VSIG4: variants seen among roughly 807,000 people sequenced by gnomAD.
The protein encoded by VSIG4 is V-set and immunoglobulin domain containing 4.
In VSIG4, 34 loss-of-function variants were observed where a neutral mutation model predicts 23.4. The ratio of observed to expected loss-of-function variants is 1.45; its 90% confidence interval spans 1.10 to 1.93. The LOEUF is 1.93. VSIG4 is among the 30% of genes most tolerant of loss of function. The pLI is 0.00. For synonymous variants in VSIG4, 169 were observed against 120.3 expected (o/e 1.41, Z -2.65); for missense variants, 433 against 310.8 (o/e 1.39, Z -2.96).
chrX:66,039,291 A>G (rs1441132448), intron 1 of VSIG4, among the ~76,000 whole-genome samples: 1 of 111,985 alleles, frequency 8.9e-6, no homozygotes, highest in African/African-American at 3.2e-5. Flanking sequence ...GCAAGGAAGC[A>G]TCTATGTTCT....
chrX:66,023,421 A>G lies in VSIG4; in HGVS notation c.941-559T>C, dbSNP rs140962963. Among the ~76,000 whole-genome samples, 899 of 112,087 alleles carry G rather than the reference A, an allele frequency of 8.0e-3. 16 individuals are homozygous for G. The highest frequency in any genetic ancestry group is 0.027 in the African/African-American group (840 of 30,823). ...CTCAAAGGCTTAGGTTGGTGCAAAG[A>G]CAGATATTTCTTTGTACTGCCCTCT... On this transcript the variant is annotated intron_variant, in intron 6 of 7. Coordinates refer to ENST00000374737, the MANE Select transcript of VSIG4 (RefSeq NM_007268.3).
chrX:66,024,594 C>T (rs989942626), intron 6 of VSIG4, among the ~76,000 whole-genome samples: 2 of 111,886 alleles, frequency 1.8e-5, no homozygotes, highest in Non-Finnish European at 3.8e-5. Context: ...ATTACCCAAG[C>T]CTTAAATTAC....
At chrX:66,023,362 CT>C (rs1429855606) in intron 6 of VSIG4, among the ~76,000 whole-genome samples, 13 of 111,957 alleles carry the variant, frequency 1.2e-4, no homozygotes, top group African/African-American at 4.2e-4. Flanking sequence ...CCCCTAGTGT[CT>C]GTGGAGGAGG....
At chrX:66,023,569 G>A (rs1484457393) in intron 6 of VSIG4, among the ~76,000 whole-genome samples, 4 of 112,519 alleles carry the variant, frequency 3.6e-5, no homozygotes, top group Non-Finnish European at 7.5e-5. Flanking sequence ...TGTCTTACTC[G>A]CCCATTGGCC....
At chrX:66,036,968 T>G (rs1602111706) in intron 1 of VSIG4, among the ~76,000 whole-genome samples, 1 of 34,684 alleles carries the variant, frequency 2.9e-5, no homozygotes, top group African/African-American at 2.1e-4. Context: ...TATTATATAA[T>G]ATATAATATA....
intron 1 of VSIG4, among the ~76,000 whole-genome samples, chrX:66,036,649 AATATAAT>A (rs1447883831): frequency 9.7e-5 from 7 of 72,527 alleles, no homozygotes; most frequent in African/African-American, 2.2e-4. Context: ...ATATTTTAAT[AATATAAT>A]ATATAATATA....
At chrX:66,029,389 A>G (rs967975505) in intron 3 of VSIG4, among the ~76,000 whole-genome samples, 13 of 111,335 alleles carry the variant, frequency 1.2e-4, no homozygotes, top group African/African-American at 4.3e-4. Flanking sequence ...CCATTCATTA[A>G]CAAATACAGT....
At position 66,033,613 on chromosome X, in the gene VSIG4, C is replaced by G; in HGVS notation, c.273G>C (p.Lys91Asn). The change falls in exon 2 of 8, where the codon AAG (lysine) becomes AAC (asparagine). Residue 91 changes from lysine (K) to asparagine (N), a missense_variant. Lys to Asn is a moderately conservative substitution (Grantham distance 94). Coordinates refer to ENST00000374737, the MANE Select transcript of VSIG4 (RefSeq NM_007268.3). ...KYQGRLHVSH[K>N]VPGDVSLQLS... ...ATTGGAGGGATACATCTCCTGGAAC[C>G]TTGTGGCTCACATGCAGGCGGCCCT... The G allele has an allele frequency of 8.3e-7, 1 of 1,211,628 alleles. No individual in the cohort carries two copies. The highest frequency in any genetic ancestry group is 1.1e-6 in the Non-Finnish European group (1 of 895,463).
chrX:66,028,326 G>T (rs184223826), intron 3 of VSIG4, among the ~76,000 whole-genome samples: 4 of 111,250 alleles, frequency 3.6e-5, no homozygotes, highest in Non-Finnish European at 7.5e-5. Context: ...AATAGATCTC[G>T]AAGGAACCTG....
At chrX:66,039,347 AG>A (rs1486715213) in intron 1 of VSIG4, among the ~76,000 whole-genome samples, 1 of 111,822 alleles carries the variant, frequency 8.9e-6, no homozygotes, top group African/African-American at 3.3e-5. Context: ...TGGAAGTCAG[AG>A]GGAACTGGAT....
In VSIG4 at chrX:66,033,382, C is replaced by G. The variant is rs753053995; in HGVS notation, c.412+92G>C. On this transcript the variant is annotated intron_variant, in intron 2 of 7. Coordinates refer to ENST00000374737, the MANE Select transcript of VSIG4 (RefSeq NM_007268.3). ...TACCTGTGGAGAGCCTCTGTATAAA[C>G]GAAGGCCTCTGGATTTTTCAGGCTT... 7.2e-6 allele frequency: 6 copies of G among 831,108 alleles called. No homozygotes were observed. In the Admixed American group the frequency reaches 1.5e-4, roughly 20 times the overall value. The allele number at this position is 831,108 out of a possible 1,213,427, so 68.5% of individuals were successfully genotyped here.
At chrX:66,028,423 C>T (rs1008089774) in intron 3 of VSIG4, among the ~76,000 whole-genome samples, 13 of 110,781 alleles carry the variant, frequency 1.2e-4, no homozygotes, top group Non-Finnish European at 1.3e-4. Flanking sequence ...GTAATTAATT[C>T]TCTTGAGAGA....
intron 6 of VSIG4, among the ~76,000 whole-genome samples, chrX:66,024,656 G>T (rs2085369288): frequency 9.0e-6 from 1 of 111,644 alleles, no homozygotes. Flanking sequence ...TAGTTTTTGA[G>T]CTCATAGCCT....
chrX:66,028,144 C>G, intron 3 of VSIG4, 32 bp from the exon 4 acceptor site: 1 of 1,166,697 alleles, frequency 8.6e-7, no homozygotes, highest in Non-Finnish European at 1.2e-6. Flanking sequence ...TTGAAGGGAC[C>G]TGGTACCCTT....
chrX:66,028,027 C>G (rs1209070142), intron 4 of VSIG4, 23 bp downstream of exon 4: 1 of 1,199,802 alleles, frequency 8.3e-7, no homozygotes, highest in Non-Finnish European at 1.1e-6. Flanking sequence ...TCTACTACTT[C>G]CTCAGACTCT....
chrX:66,037,650 T>C (rs1410562989), intron 1 of VSIG4, among the ~76,000 whole-genome samples: 1 of 85,490 alleles, frequency 1.2e-5, no homozygotes, highest in Non-Finnish European at 2.1e-5. Flanking sequence ...AATTATATAA[T>C]TATTACTGAT....
chrX:66,039,805 C>G, intron 1 of VSIG4, 139 bp downstream of exon 1: 1 of 681,169 alleles, frequency 1.5e-6, no homozygotes, highest in South Asian at 3.4e-5. Flanking sequence ...TTGCTCAAGG[C>G]TGAGAGAGCC....
chrX:66,022,233 G>C lies in VSIG4; in HGVS notation c.*30C>G. The stretch of plus-strand genomic sequence containing the variant: ...AGGCAAGGACTGACTAGGCAATTAT[G>C]TCAGCAGATCCTGGCCTAATGGGGC... On this transcript the variant is annotated 3_prime_UTR_variant, in exon 8 of 8. Coordinates refer to ENST00000374737, the MANE Select transcript of VSIG4 (RefSeq NM_007268.3). The C allele has an allele frequency of 8.3e-7, 1 of 1,212,049 alleles. No individual in the cohort carries two copies. The highest frequency in any genetic ancestry group is 1.1e-6 in the Non-Finnish European group (1 of 895,539).
intron 1 of VSIG4, among the ~76,000 whole-genome samples, chrX:66,034,219 T>C (rs988040568): frequency 8.9e-5 from 10 of 112,438 alleles, no homozygotes; most frequent in Admixed American, 8.4e-4. Context: ...GAAAAAATTT[T>C]CTTTTCACAT....
Sources: allele counts gnomAD v4.1 joint callset (sites outside exome capture counted in the v4.1 genomes callset), GRCh38; gene constraint gnomAD v4.1.1; transcripts MANE v1.5; gene names NCBI Gene and HGNC (gene_info 2026-07-23, HGNC 2026-07-21).